The following VPS33B variants were observed in gnomAD, a reference collection of about 807,000 sequenced individuals.
The protein encoded by VPS33B is vacuolar protein sorting-associated protein 33B.
A neutral mutation model predicts 95.3 loss-of-function variants in VPS33B; 80 were observed. The ratio of observed to expected loss-of-function variants is 0.84; its 90% confidence interval spans 0.70 to 1.01. The LOEUF is 1.01. Among genes scored for constraint, VPS33B ranks in the 50% least tolerant of loss-of-function variants. The pLI is 0.00. For missense variants in VPS33B, 715 were observed against 773.4 expected, an observed-to-expected ratio of 0.92 and a Z score of 0.90; for synonymous variants, 280 against 280.4, an observed-to-expected ratio of 1.00 and a Z score of 0.01.
Position 91,000,095 on chromosome 15 carries a change from CAG to C in VPS33B, c.1582-122_1582-121del. On this transcript the variant is annotated intron_variant, in intron 20 of 22. Coordinates refer to ENST00000333371, the MANE Select transcript of VPS33B (RefSeq NM_018668.5). This position sits in a 1 kb window ranked among gnomAD's most constrained non-coding sequence, Gnocchi z 4.9. ...TTACTCAAGTAGCAAAAAGTTGAGA[CAG>C]GGCCAGGTGTGGTGGCTCACGCCTG... The C allele has an allele frequency of 8.6e-6, 11 of 1,276,378 alleles. No homozygotes were observed. The highest frequency in any genetic ancestry group is 1.2e-5 in the Non-Finnish European group (11 of 895,060). 79.1% of individuals were successfully genotyped at this position (1,276,378 alleles called of 1,614,324 possible). A position where few individuals can be genotyped will look rare whatever the true frequency, so the allele number is the denominator to read the frequency against.
In VPS33B at chr15:91,003,103, C is replaced by G; in HGVS notation, c.1254G>C (p.Leu418=). The G allele has an allele frequency of 6.2e-7, 1 of 1,614,136 alleles. No homozygotes were observed. The highest frequency in any genetic ancestry group is 8.5e-7 in the Non-Finnish European group (1 of 1,180,022). The part of the protein sequence containing the change: ...NGLIPKDYRS[L]KTQYLQSYGP... ...GCCTTACCTGCAGATACTGTGTTTT[C>G]AGAGATCGGTAATCCTTGGGGATCA... The change falls in exon 17 of 23, where the codon CTG becomes CTC. Residue 418 remains leucine, a synonymous_variant. Coordinates refer to ENST00000333371, the MANE Select transcript of VPS33B (RefSeq NM_018668.5).
chr15:91,009,879 CCTT>C lies in VPS33B; in HGVS notation c.358-36_358-34del, dbSNP rs779493126. The C allele has an allele frequency of 6.8e-6, 11 of 1,613,040 alleles. No individual in the cohort carries two copies. Among genetic ancestry groups the C allele is most frequent in the East Asian group, 2.2e-5 (1 of 44,888 alleles). Reference sequence around the variant, plus strand: ...AGAAAAGGAAATTGATTAGTAACTACCTTCTTCTCTGTTCTCTCCATTTCTCTG... The same window carrying C: ...AGAAAAGGAAATTGATTAGTAACTACCTTCTCTGTTCTCTCCATTTCTCTG... On this transcript the variant is annotated intron_variant, in intron 5 of 22. Coordinates refer to ENST00000333371, the MANE Select transcript of VPS33B (RefSeq NM_018668.5). This position sits in a 1 kb window ranked among gnomAD's most constrained non-coding sequence, Gnocchi z 4.1.
chr15:91,004,775 T>A, intron 16 of VPS33B, 102 bp downstream of exon 16: 1 of 1,328,806 alleles, frequency 7.5e-7, no homozygotes, highest in Non-Finnish European at 1.1e-6. Flanking sequence ...GGAAACATTC[T>A]GTTTGCTAAG....
intron 3 of VPS33B, 53 bp from the exon 4 acceptor site, chr15:91,014,486 G>A (rs2040868935): frequency 1.9e-6 from 3 of 1,585,976 alleles, no homozygotes; most frequent in Non-Finnish European, 2.6e-6. Flanking sequence ...AAGTTGGATA[G>A]CAACTTAGAA....
intron 5 of VPS33B, among the ~76,000 whole-genome samples, chr15:91,012,370 C>T (rs1001021453): frequency 6.6e-6 from 1 of 152,128 alleles, no homozygotes; most frequent in Non-Finnish European, 1.5e-5. Context: ...CTTATTTCAA[C>T]AGAGACTCAA....
chr15:91,010,876 C>G lies in VPS33B; in HGVS notation c.358-1030G>C, dbSNP rs940083440. ...AAATAGACACCAGTGGATTTGACAA[C>G]GGAGACCTGAGGGAGACTAGATGAA... On this transcript the variant is annotated intron_variant, in intron 5 of 22. Coordinates refer to ENST00000333371, the MANE Select transcript of VPS33B (RefSeq NM_018668.5). This position sits in a 1 kb window ranked among gnomAD's most constrained non-coding sequence, Gnocchi z 5.7. 2.6e-5 allele frequency among the ~76,000 whole-genome samples: 4 copies of G among 151,970 alleles called. No individual in the cohort carries two copies. Among genetic ancestry groups the G allele is most frequent in the African/African-American group, 9.7e-5 (4 of 41,350 alleles).
Position 91,015,051 on chromosome 15 carries a change from A to C in VPS33B, c.240-618T>G, listed in dbSNP as rs916758432. Among the ~76,000 whole-genome samples, 10 of 151,504 alleles carry C rather than the reference A, an allele frequency of 6.6e-5. No individual in the cohort carries two copies. The highest frequency in any genetic ancestry group is 6.6e-5 in the Admixed American group (1 of 15,224). Reference sequence around the variant, plus strand: ...CCCCGTCTCTACTAAAAATACAAACATTGGCTGGGCATGGTGGCTCACACC... The same window carrying C: ...CCCCGTCTCTACTAAAAATACAAACCTTGGCTGGGCATGGTGGCTCACACC... On this transcript the variant is annotated intron_variant, in intron 3 of 22. Coordinates refer to ENST00000333371, the MANE Select transcript of VPS33B (RefSeq NM_018668.5). This position sits in a 1 kb window ranked among gnomAD's most constrained non-coding sequence, Gnocchi z 4.7.
In VPS33B at chr15:91,009,662, C is replaced by A; in HGVS notation, c.403+139G>T. On this transcript the variant is annotated intron_variant, in intron 6 of 22. Transcript: ENST00000333371. The surrounding 1 kb of genome is among the most constrained non-coding windows in gnomAD (Gnocchi z 4.1). ...CCATTCCCATTCTCAGGAACCTCTC[C>A]TCCTGCTACACTAACAGGAATAAGA... The A allele has an allele frequency of 1.1e-6, 1 of 919,546 alleles. No homozygotes were observed. Among genetic ancestry groups the A allele is most frequent in the Non-Finnish European group, 1.7e-6 (1 of 589,952 alleles). 57.0% of individuals were successfully genotyped at this position (919,546 alleles called of 1,614,324 possible).
Position 91,000,612 on chromosome 15 carries a change from AT to A in VPS33B, c.1480-22del. The stretch of plus-strand genomic sequence containing the variant: ...GGGATCTGTAAGACAAAGGGACTTC[AT>A]TAGGCAAGTGACAGCTCAGCTCCCT... On this transcript the variant is annotated intron_variant, in intron 19 of 22. Transcript: ENST00000333371. This position sits in a 1 kb window ranked among gnomAD's most constrained non-coding sequence, Gnocchi z 4.9. 1 of 1,607,514 alleles carries A rather than the reference AT, an allele frequency of 6.2e-7. No homozygotes were observed. Among genetic ancestry groups the A allele is most frequent in the Non-Finnish European group, 8.5e-7 (1 of 1,175,466 alleles).
chr15:91,019,642 A>G (rs2041046693), intron 1 of VPS33B, among the ~76,000 whole-genome samples: 1 of 152,132 alleles, frequency 6.6e-6, no homozygotes, highest in South Asian at 2.1e-4. Flanking sequence ...TCAGCTGGAA[A>G]TGTTAGAGGA....
Position 90,999,017 on chromosome 15 carries a change from G to GT in VPS33B, c.1811dup (p.Asn604LysfsTer11), listed in dbSNP as rs1475678357. 1 of 1,614,198 alleles carries GT rather than the reference G, an allele frequency of 6.2e-7. No homozygotes were observed. The highest frequency in any genetic ancestry group is 2.2e-5 in the East Asian group (1 of 44,884). On this transcript the variant is annotated frameshift_variant, in exon 23 of 23. Coordinates refer to ENST00000333371, the MANE Select transcript of VPS33B (RefSeq NM_018668.5). LOFTEE classifies it high-confidence loss of function. This position sits in a 1 kb window ranked among gnomAD's most constrained non-coding sequence, Gnocchi z 5.1. ...TCATGGCCTCCATAAGGCGAGCGCTGTTTGTGACTGCTGTCGTCAGGAAAA... is the reference window on the plus strand; with the variant it reads ...TCATGGCCTCCATAAGGCGAGCGCTGTTTTGTGACTGCTGTCGTCAGGAAAA...
chr15:91,006,138 A>G lies in VPS33B; in HGVS notation c.853-79T>C. 1 of 1,519,330 alleles carries G rather than the reference A, an allele frequency of 6.6e-7. No individual in the cohort carries two copies. Among genetic ancestry groups the G allele is most frequent in the Non-Finnish European group, 9.1e-7 (1 of 1,101,050 alleles). The allele number at this position is 1,519,330 out of a possible 1,614,324, so 94.1% of individuals were successfully genotyped here. ...AGTAGAATGACAGTACAGGAAGGGT[A>G]CTCAGGTGTTCTGGCAGAAATACAA... On this transcript the variant is annotated intron_variant, in intron 11 of 22. Transcript: ENST00000333371. The surrounding 1 kb of genome is among the most constrained non-coding windows in gnomAD (Gnocchi z 5.4).
Position 91,000,115 on chromosome 15 carries a change from C to T in VPS33B, c.1582-140G>A. 1 of 1,059,812 alleles carries T rather than the reference C, an allele frequency of 9.4e-7. No homozygotes were observed. Among genetic ancestry groups the T allele is most frequent in the Non-Finnish European group, 1.4e-6 (1 of 707,752 alleles). 65.7% of individuals were successfully genotyped at this position (1,059,812 alleles called of 1,614,324 possible). On this transcript the variant is annotated intron_variant, in intron 20 of 22. Transcript: ENST00000333371. The surrounding 1 kb of genome is among the most constrained non-coding windows in gnomAD (Gnocchi z 4.9). The stretch of plus-strand genomic sequence containing the variant: ...TGAGACAGGGCCAGGTGTGGTGGCT[C>T]ACGCCTGTAATTCCAACACTTTAGG...
rs1272281030 is a variant in VPS33B, at chr15:91,017,365, T to TAAAAAA, written c.178-342_178-341insTTTTTT. The stretch of plus-strand genomic sequence containing the variant: ...TAACAAGACTCCATCTCTACAAAAT[T>TAAAAAA]AAATATATATATATATATATATATA... On this transcript the variant is annotated intron_variant, in intron 2 of 22. Coordinates refer to ENST00000333371, the MANE Select transcript of VPS33B (RefSeq NM_018668.5). 3.8e-3 allele frequency among the ~76,000 whole-genome samples: 65 copies of TAAAAAA among 17,000 alleles called. 11 individuals carry two copies. Among genetic ancestry groups the TAAAAAA allele is most frequent in the African/African-American group, 0.013 (30 of 2,314 alleles). 11.2% of individuals were successfully genotyped at this position (17,000 alleles called of 152,430 possible). A position where few individuals can be genotyped will look rare whatever the true frequency, so the allele number is the denominator to read the frequency against.
chr15:91,003,539 A>C (rs1167958479), intron 16 of VPS33B, among the ~76,000 whole-genome samples: 1 of 152,150 alleles, frequency 6.6e-6, no homozygotes. Context: ...TCCCGGGTTC[A>C]AGCCATTCTC....
Position 91,007,830 on chromosome 15 carries a change from C to T in VPS33B, c.498+40G>A. ...AGCCCTCTGCATCCCACATTTGTCC[C>T]CATCCCCTGATGCCAAGACACAAGG... On this transcript the variant is annotated intron_variant, in intron 7 of 22. Transcript: ENST00000333371. The surrounding 1 kb of genome is among the most constrained non-coding windows in gnomAD (Gnocchi z 5.3). 1.3e-6 allele frequency: 2 copies of T among 1,582,732 alleles called. No individual in the cohort carries two copies. The highest frequency in any genetic ancestry group is 8.7e-7 in the Non-Finnish European group (1 of 1,151,586).
chr15:91,020,882 A>G (rs1254771605), intron 1 of VPS33B, among the ~76,000 whole-genome samples: 2 of 152,206 alleles, frequency 1.3e-5, no homozygotes, highest in African/African-American at 2.4e-5. Context: ...CTGTGTCTCA[A>G]AAAAATAAAT....
At position 91,016,879 on chromosome 15, in the gene VPS33B, T is replaced by C. The variant is rs955434890; in HGVS notation, c.239+84A>G. On this transcript the variant is annotated intron_variant, in intron 3 of 22. Coordinates refer to ENST00000333371, the MANE Select transcript of VPS33B (RefSeq NM_018668.5). ...AGTTCAGGGAGGTGAACCATATATC[T>C]CAGCCAAGGACAGATGAAAGGCAGA... 12 of 1,329,256 alleles carry C rather than the reference T, an allele frequency of 9.0e-6. No homozygotes were observed. The East Asian group carries it at 1.6e-4, about 18-fold the overall frequency. 82.3% of individuals were successfully genotyped at this position (1,329,256 alleles called of 1,614,324 possible).
In VPS33B at chr15:91,015,230, G is replaced by A. The variant is rs1419711737; in HGVS notation, c.240-797C>T. 2.6e-5 allele frequency among the ~76,000 whole-genome samples: 4 copies of A among 152,134 alleles called. No individual in the cohort carries two copies. Among genetic ancestry groups the A allele is most frequent in the African/African-American group, 9.7e-5 (4 of 41,424 alleles). On this transcript the variant is annotated intron_variant, in intron 3 of 22. Transcript: ENST00000333371. The surrounding 1 kb of genome is among the most constrained non-coding windows in gnomAD (Gnocchi z 4.7). ...GCATGTCTGTAATCCCAGCTACGCA[G>A]GAGGCTGAGGCAGGAGAATCGCTTG...
Sources: gnomAD v4.1 joint callset for allele counts (sites outside exome capture counted in the v4.1 genomes callset) on GRCh38, gnomAD v4.1.1 for gene constraint, Gnocchi (gnomAD v3.1) non-coding constraint, MANE v1.5 for transcripts, NCBI Gene and HGNC (gene_info 2026-07-23, HGNC 2026-07-21) for gene names.